Variants in PI4K2A observed in about 807,000 individuals in gnomAD.
PI4K2A encodes the protein phosphatidylinositol 4-kinase type 2-alpha.
A neutral mutation model predicts 55.0 loss-of-function variants in PI4K2A; 20 were observed. That is an observed-to-expected ratio of 0.36 (90% CI 0.26 to 0.53). The LOEUF is 0.53. Among genes scored for constraint, PI4K2A ranks in the 20% least tolerant of loss-of-function variants. PI4K2A has a pLI of 0.91. For missense variants in PI4K2A, 463 were observed against 637.1 expected, an observed-to-expected ratio of 0.73 and a Z score of 2.94; for synonymous variants, 235 against 258.5, an observed-to-expected ratio of 0.91 and a Z score of 0.87.
At position 97,641,182 on chromosome 10, in the gene PI4K2A, G is replaced by GT. The variant is rs761062599; in HGVS notation, c.435+6dup. On this transcript the variant is annotated splice_donor_region_variant and intron_variant, in intron 1 of 8. Coordinates refer to ENST00000370631, the Ensembl canonical transcript of PI4K2A. ...TTCGTCAAGGACCCTCAGGGGGTGA[G>GT]TGCGGGGGTGGGGACCGCCGCCGCG... is the stretch of plus-strand genomic sequence containing the variant. The GT allele has an allele frequency of 1.9e-6, 3 of 1,596,322 alleles. No homozygotes were observed. In the East Asian group the frequency reaches 6.8e-5, roughly 36 times the overall value.
intron 4 of PI4K2A, among the ~76,000 whole-genome samples, chr10:97,657,453 A>G (rs922751427): frequency 6.6e-6 from 1 of 152,110 alleles, no homozygotes; most frequent in Admixed American, 6.6e-5. Flanking sequence ...AGATCATTTG[A>G]GGCCGGGAGT....
At chr10:97,642,888 C>CTTTCTCTCTCTCTCT (rs1452827494) in intron 1 of PI4K2A, among the ~76,000 whole-genome samples, 1 of 64,394 alleles carries the variant, frequency 1.6e-5, no homozygotes, top group African/African-American at 6.7e-5. Flanking sequence ...TTTCTTTCTT[C>CTTTCTCTCTCTCTCT]CTTCCTTCCT....
intron 2 of PI4K2A, among the ~76,000 whole-genome samples, chr10:97,655,492 G>A (rs2041549604): frequency 6.6e-6 from 1 of 152,086 alleles, no homozygotes; most frequent in African/African-American, 2.4e-5. Context: ...GGAGATGACA[G>A]TGTTAATCCT....
chr10:97,675,003 C>T (rs10882983), exon 9 of PI4K2A: 28,650 of 153,360 alleles, frequency 0.19, 3,065 homozygotes, highest in East Asian at 0.38. Context: ...CCTCACTCCC[C>T]ACCCCCACTT....
intron 5 of PI4K2A, among the ~76,000 whole-genome samples, chr10:97,663,212 T>A (rs938056986): frequency 2.0e-5 from 3 of 152,266 alleles, no homozygotes; most frequent in Non-Finnish European, 4.4e-5. Context: ...TATTATGTAC[T>A]CTGTTCTTTG....
intron 4 of PI4K2A, among the ~76,000 whole-genome samples, chr10:97,657,520 T>C (rs1335486389): frequency 6.6e-6 from 1 of 151,738 alleles, no homozygotes; most frequent in Non-Finnish European, 1.5e-5. Context: ...ATACAAAAAT[T>C]AGCCGGGTGT....
At position 97,656,204 on chromosome 10, in the gene PI4K2A, TC is replaced by T; in HGVS notation, c.637-80del. 1 of 1,157,702 alleles carries T rather than the reference TC, an allele frequency of 8.6e-7. No individual in the cohort carries two copies. Among genetic ancestry groups the T allele is most frequent in the Non-Finnish European group, 1.3e-6 (1 of 785,416 alleles). 71.7% of individuals were successfully genotyped at this position (1,157,702 alleles called of 1,614,324 possible). On this transcript the variant is annotated intron_variant, in intron 2 of 8. Transcript: ENST00000370631. This position sits in a 1 kb window ranked among gnomAD's most constrained non-coding sequence, Gnocchi z 4.5. ...GGAAGAGGAATAGGATTTGTGAACA[TC>T]AAGCTATTTATTCTCTGCCATAGTC...
At chr10:97,655,826 C>T (rs561603149) in intron 2 of PI4K2A, among the ~76,000 whole-genome samples, 3 of 152,252 alleles carry the variant, frequency 2.0e-5, no homozygotes, top group South Asian at 2.1e-4. Context: ...CTGCCCACCT[C>T]GGCCTCTCAG....
chr10:97,672,706 C>T (rs1315107797), intron 8 of PI4K2A, among the ~76,000 whole-genome samples: 1 of 147,140 alleles, frequency 6.8e-6, no homozygotes, highest in Non-Finnish European at 1.5e-5. Flanking sequence ...AATGGAATTG[C>T]CGAGTCAGAG....
chr10:97,654,862 C>G (rs541975013), intron 2 of PI4K2A, among the ~76,000 whole-genome samples: 2 of 151,864 alleles, frequency 1.3e-5, no homozygotes, highest in Admixed American at 6.6e-5. Flanking sequence ...ATAAGTAATG[C>G]ATGCATCTAG....
chr10:97,640,675 C>A, upstream of PI4K2A: 1 of 1,194,548 alleles, frequency 8.4e-7, no homozygotes, highest in Non-Finnish European at 1.1e-6. Context: ...GGGGATGTCA[C>A]GGATTGGTCG....
chr10:97,663,496 ATTTCTTTTTTCTTTTC>A (rs1006136282), intron 5 of PI4K2A, among the ~76,000 whole-genome samples: 12 of 149,512 alleles, frequency 8.0e-5, no homozygotes, highest in Admixed American at 6.0e-4. Context: ...GATTGGTTTT[ATTTCTTTTTTCTTTTC>A]TTTCTTTTTT....
chr10:97,659,280 T>C (rs760442676), intron 4 of PI4K2A, among the ~76,000 whole-genome samples: 7 of 152,054 alleles, frequency 4.6e-5, no homozygotes, highest in Non-Finnish European at 8.8e-5. Flanking sequence ...GCAGTCCTCC[T>C]ACCTCAGCCT....
chr10:97,672,713 A>T (rs1475025868), intron 8 of PI4K2A, among the ~76,000 whole-genome samples: 1 of 141,426 alleles, frequency 7.1e-6, no homozygotes, highest in African/African-American at 2.7e-5. Flanking sequence ...TTGCCGAGTC[A>T]GAGGGTCTGT....
chr10:97,674,292 C>T (rs1393000090), exon 9 of PI4K2A: 1 of 152,344 alleles, frequency 6.6e-6, no homozygotes, highest in Non-Finnish European at 1.5e-5. Flanking sequence ...ACAGAAGCCA[C>T]ACCTTTCTTT....
At position 97,641,183 on chromosome 10, in the gene PI4K2A, TGCGGGGGTGGGG is replaced by T. The variant is rs1385678430; in HGVS notation, c.435+7_435+18del. ...TCGTCAAGGACCCTCAGGGGGTGAG[TGCGGGGGTGGGG>T]ACCGCCGCCGCGGGCTGAGGGCCGG... On this transcript the variant is annotated splice_region_variant and intron_variant, in intron 1 of 8. Coordinates refer to ENST00000370631, the Ensembl canonical transcript of PI4K2A. 3 of 1,590,236 alleles carry T rather than the reference TGCGGGGGTGGGG, an allele frequency of 1.9e-6. No individual in the cohort carries two copies. Among genetic ancestry groups the T allele is most frequent in the African/African-American group, 2.8e-5 (2 of 72,452 alleles).
rs759791569 is a variant in PI4K2A, at chr10:97,656,438, A to C, written c.768+22A>C. The C allele has an allele frequency of 6.8e-6, 11 of 1,610,688 alleles. No individual in the cohort carries two copies. In the Admixed American group the frequency reaches 1.5e-4, roughly 22 times the overall value. Reference sequence around the variant, plus strand: ...AAAGGTATAGACGCACCTCTGGCTTATCAAGGGTCATGATTTATAGTGACA... The same window carrying C: ...AAAGGTATAGACGCACCTCTGGCTTCTCAAGGGTCATGATTTATAGTGACA... On this transcript the variant is annotated intron_variant, in intron 3 of 8. Transcript: ENST00000370631. This position sits in a 1 kb window ranked among gnomAD's most constrained non-coding sequence, Gnocchi z 4.5.
intron 2 of PI4K2A, among the ~76,000 whole-genome samples, chr10:97,653,163 C>T (rs1277819641): frequency 2.0e-5 from 3 of 152,242 alleles, no homozygotes; most frequent in Non-Finnish European, 2.9e-5. Context: ...TTGCTTATCA[C>T]TCTATAGTTT....
At chr10:97,647,195 T>C (rs2041509245) in intron 1 of PI4K2A, among the ~76,000 whole-genome samples, 1 of 150,172 alleles carries the variant, frequency 6.7e-6, no homozygotes, top group East Asian at 1.9e-4. Flanking sequence ...TTAAGCTATC[T>C]GTACCTCACC....
Sources: gnomAD v4.1 joint callset for allele counts (sites outside exome capture counted in the v4.1 genomes callset) on GRCh38, gnomAD v4.1.1 for gene constraint, Gnocchi (gnomAD v3.1) non-coding constraint, MANE v1.5 for transcripts, NCBI Gene and HGNC (gene_info 2026-07-23, HGNC 2026-07-21) for gene names.